ZMYM2: variants seen among roughly 807,000 people sequenced by gnomAD.
ZMYM2 encodes zinc finger MYM-type protein 2.
ZMYM2 carries 56 observed loss-of-function variants against 162.8 expected under a neutral mutation model. The ratio of observed to expected loss-of-function variants is 0.34; its 90% CI spans 0.28 to 0.43. The LOEUF is 0.43. Ranked by LOEUF, ZMYM2 falls within the 20% of genes least tolerant of loss-of-function variation. ZMYM2 has a pLI of 1.00. For missense variants in ZMYM2, 1,275 were observed against 1,621.8 expected, an observed-to-expected ratio of 0.79 and a Z score of 3.67; for synonymous variants, 510 against 541.6, an observed-to-expected ratio of 0.94 and a Z score of 0.81.
At chr13:19,881,535 T>A in the ZMYM2 span, among the ~76,000 whole-genome samples, 1 of 151,802 alleles carries the variant, frequency 6.6e-6, no homozygotes, top group Admixed American at 6.6e-5. Context: ...GGTGGCAGAA[T>A]TCCTTGAACC....
chr13:20,046,495 A>G (rs1350516950), intron 12 of ZMYM2, among the ~76,000 whole-genome samples: 3 of 150,560 alleles, frequency 2.0e-5, no homozygotes, highest in South Asian at 2.1e-4. Context: ...TTGAGGTGAC[A>G]GTGAGCTCTG....
chr13:19,992,939 A>T, intron 2 of ZMYM2, 124 bp from the exon 3 acceptor site: 2 of 1,088,730 alleles, frequency 1.8e-6, no homozygotes, highest in Non-Finnish European at 2.5e-6. Context: ...CCTGAATGTT[A>T]GACAAGAATC....
chr13:19,868,093 C>T, the ZMYM2 span, among the ~76,000 whole-genome samples: 1 of 152,206 alleles, frequency 6.6e-6, no homozygotes, highest in African/African-American at 2.4e-5. Context: ...TTTCATAAAA[C>T]CCCCAACCTT....
chr13:20,007,336 CG>C (rs1447335637), intron 6 of ZMYM2, among the ~76,000 whole-genome samples: 1 of 151,976 alleles, frequency 6.6e-6, no homozygotes, highest in Non-Finnish European at 1.5e-5. Context: ...GGGGTTTCAC[CG>C]TGTTAGCCAG....
At chr13:19,942,379 C>A in the ZMYM2 span, among the ~76,000 whole-genome samples, 5 of 151,580 alleles carry the variant, frequency 3.3e-5, no homozygotes, top group African/African-American at 1.2e-4. Context: ...AAAAAGGAAC[C>A]ACATAAAATG....
At chr13:19,967,923 T>G (rs1176411755) in intron 2 of ZMYM2, among the ~76,000 whole-genome samples, 1 of 152,224 alleles carries the variant, frequency 6.6e-6, no homozygotes, top group Non-Finnish European at 1.5e-5. Context: ...TTTCTATGTT[T>G]CTCTTCACCG....
intron 2 of ZMYM2, among the ~76,000 whole-genome samples, chr13:19,981,167 G>A (rs1957284439): frequency 6.6e-6 from 1 of 152,136 alleles, no homozygotes; most frequent in South Asian, 2.1e-4. Context: ...AGCTTCTCAG[G>A]AGGCTGAGGT....
At position 20,064,562 on chromosome 13, in the gene ZMYM2, GCCT is replaced by G; in HGVS notation, c.3132+18_3132+20del. On this transcript the variant is annotated intron_variant, in intron 19 of 24. Coordinates refer to ENST00000610343, the MANE Select transcript of ZMYM2 (RefSeq NM_197968.4). ...AAAAAAAAGGTACATTCACTTAATAGCCTATATAACAATATTTCTCTATAGGCA... is the reference window on the plus strand; with the variant it reads ...AAAAAAAAGGTACATTCACTTAATAGATATAACAATATTTCTCTATAGGCA... 6.5e-7 allele frequency: 1 copy of G among 1,542,558 alleles called. No homozygotes were observed. The highest frequency in any genetic ancestry group is 8.8e-7 in the Non-Finnish European group (1 of 1,142,136).
chr13:19,906,050 C>T, the ZMYM2 span, among the ~76,000 whole-genome samples: 58 of 151,556 alleles, frequency 3.8e-4, no homozygotes, highest in African/African-American at 1.3e-3. Context: ...CTGAGGCAGT[C>T]GGATCACCTG....
chr13:19,982,669 C>G (rs1957458981), intron 2 of ZMYM2, among the ~76,000 whole-genome samples: 1 of 152,164 alleles, frequency 6.6e-6, no homozygotes, highest in African/African-American at 2.4e-5. Context: ...GTTGAGTATT[C>G]TATTTTGAAC....
intron 5 of ZMYM2, among the ~76,000 whole-genome samples, chr13:20,005,672 A>C (rs1375714615): frequency 6.6e-6 from 1 of 152,204 alleles, no homozygotes; most frequent in African/African-American, 2.4e-5. Context: ...AATAAAAAGT[A>C]ATCTGTTTAT....
chr13:20,018,158 A>G (rs1465034221), intron 6 of ZMYM2, among the ~76,000 whole-genome samples: 1 of 152,142 alleles, frequency 6.6e-6, no homozygotes, highest in African/African-American at 2.4e-5. Context: ...AGTTCCTTAT[A>G]CTGTTCCCCA....
intron 3 of ZMYM2, among the ~76,000 whole-genome samples, chr13:20,001,143 G>A (rs898882509): frequency 1.3e-5 from 2 of 152,200 alleles, no homozygotes; most frequent in African/African-American, 4.8e-5. Flanking sequence ...TGTAATCCCA[G>A]CACTTTGGGT....
the ZMYM2 span, among the ~76,000 whole-genome samples, chr13:19,866,925 T>G: frequency 2.0e-5 from 3 of 152,162 alleles, no homozygotes; most frequent in African/African-American, 7.2e-5. Context: ...TTTATAATAA[T>G]TTAATGACTT....
At chr13:20,027,087 G>A in intron 8 of ZMYM2, 116 bp from the exon 9 acceptor site, 1 of 713,322 alleles carries the variant, frequency 1.4e-6, no homozygotes. Context: ...AGTATTGAAG[G>A]TGCAAATAAT....
intron 3 of ZMYM2, among the ~76,000 whole-genome samples, chr13:19,995,002 TA>T (rs11415288): frequency 0.11 from 14,800 of 140,414 alleles, 1,226 homozygotes; most frequent in African/African-American, 0.23. Flanking sequence ...CTGGCTAAAT[TA>T]AAAAAAAAAA....
At chr13:19,992,983 C>A in intron 2 of ZMYM2, 80 bp from the exon 3 acceptor site, 4 of 1,416,170 alleles carry the variant, frequency 2.8e-6, no homozygotes, top group Admixed American at 2.6e-5. Flanking sequence ...ATAAAAGTAC[C>A]CTTTAAATCA....
intron 16 of ZMYM2, 88 bp downstream of exon 16, chr13:20,059,650 A>G (rs1956082372): frequency 7.0e-6 from 5 of 715,304 alleles, no homozygotes; most frequent in South Asian, 6.2e-5. Context: ...GAACAACAAG[A>G]GTTTGAACTC....
chr13:19,956,320 T>C (rs1954517747), upstream of ZMYM2, among the ~76,000 whole-genome samples: 1 of 152,258 alleles, frequency 6.6e-6, no homozygotes, highest in Non-Finnish European at 1.5e-5. Context: ...TATCAGAACT[T>C]CACTCCTCTT....
Sources: gnomAD v4.1 joint callset for allele counts (sites outside exome capture counted in the v4.1 genomes callset) on GRCh38, gnomAD v4.1.1 for gene constraint, MANE v1.5 for transcripts, NCBI Gene and HGNC (gene_info 2026-07-23, HGNC 2026-07-21) for gene names.